Variants in MDH1B observed in about 807,000 individuals in gnomAD.
MDH1B encodes malate dehydrogenase 1B.
A neutral mutation model predicts 61.4 loss-of-function variants in MDH1B; 60 were observed. That is an observed-to-expected ratio of 0.98 (90% confidence interval 0.79 to 1.21). The LOEUF is 1.21. MDH1B is among the 50% of genes most tolerant of loss of function. MDH1B has a pLI of 0.00. For missense variants in MDH1B, 587 were observed against 632.1 expected, an observed-to-expected ratio of 0.93 and a Z score of 0.76; for synonymous variants, 236 against 218.7, an observed-to-expected ratio of 1.08 and a Z score of -0.70.
At chr2:206,741,832 A>G (rs1401248429) in intron 9 of MDH1B, among the ~76,000 whole-genome samples, 1 of 152,112 alleles carries the variant, frequency 6.6e-6, no homozygotes, top group Non-Finnish European at 1.5e-5. Flanking sequence ...GGGTTTCTGG[A>G]GTTGGCTGCT....
At chr2:206,754,809 T>C (rs1364297989) in intron 5 of MDH1B, among the ~76,000 whole-genome samples, 200 bp downstream of exon 5, 2 of 152,164 alleles carry the variant, frequency 1.3e-5, no homozygotes, top group South Asian at 2.1e-4. Context: ...TTTATAATGA[T>C]GGAAAAAGCC....
In MDH1B at chr2:206,755,076, A is replaced by G. The variant is rs1688675600; in HGVS notation, c.843T>C (p.Ala281=). The G allele has an allele frequency of 6.2e-7, 1 of 1,614,224 alleles. No individual in the cohort carries two copies. The highest frequency in any genetic ancestry group is 8.5e-7 in the Non-Finnish European group (1 of 1,180,036). Residue 281 remains alanine (A), a synonymous_variant, in exon 5 of 12, where the codon GCT becomes GCC. Transcript: ENST00000374412. ...YAPRIAHNII[A]VALGVEGEAK... is the part of the protein sequence containing the mutation. ...CTTCACCTTCCACCCCCAGCGCCAC[A>G]GCAATAATGTTGTGTGCAATGCGTG...
At chr2:206,754,280 G>A (rs967258999) in intron 5 of MDH1B, among the ~76,000 whole-genome samples, 13 of 151,964 alleles carry the variant, frequency 8.6e-5, no homozygotes, top group African/African-American at 3.1e-4. Context: ...CCTTCTCAAT[G>A]GACACTGTTG....
At chr2:206,740,265 T>C (rs1254880808) in intron 10 of MDH1B, among the ~76,000 whole-genome samples, 2 of 152,196 alleles carry the variant, frequency 1.3e-5, no homozygotes, top group African/African-American at 4.8e-5. Flanking sequence ...TAACAGTTGA[T>C]TAACATATAT....
In MDH1B at chr2:206,746,401, G is replaced by T. The variant is rs367748622; in HGVS notation, c.1242C>A (p.Ile414=). 10 of 1,613,340 alleles carry T rather than the reference G, an allele frequency of 6.2e-6. No homozygotes were observed. The highest frequency in any genetic ancestry group is 7.6e-6 in the Non-Finnish European group (9 of 1,179,772). The change falls in exon 8 of 12, where the codon ATC becomes ATA. Residue 414 remains isoleucine, a synonymous_variant. Coordinates refer to ENST00000374412, the MANE Select transcript of MDH1B (RefSeq NM_001039845.3). Reference sequence around the variant, plus strand: ...CAAATTTCACAGGCATAGAAAAGACGATCCCTTTCGGAATACCAAACTGGC... The same window carrying T: ...CAAATTTCACAGGCATAGAAAAGACTATCCCTTTCGGAATACCAAACTGGC... ...SEGQFGIPKG[I]VFSMPVKFEN...
At chr2:206,762,492 C>T (rs1689158644) in intron 1 of MDH1B, among the ~76,000 whole-genome samples, 5 of 152,188 alleles carry the variant, frequency 3.3e-5, no homozygotes, top group Non-Finnish European at 1.5e-5. Flanking sequence ...ATTATCCTCT[C>T]TTTCTAGAGT....
At chr2:206,761,694 T>C (rs1246577343) in intron 1 of MDH1B, among the ~76,000 whole-genome samples, 1 of 152,112 alleles carries the variant, frequency 6.6e-6, no homozygotes, top group Non-Finnish European at 1.5e-5. Context: ...GACACACAAT[T>C]TGTAGCCATC....
At chr2:206,750,459 G>A (rs1026761847) in intron 6 of MDH1B, among the ~76,000 whole-genome samples, 9 of 150,938 alleles carry the variant, frequency 6.0e-5, no homozygotes, top group African/African-American at 2.2e-4. Flanking sequence ...AGGTCACACA[G>A]CTACTAAGTG....
intron 9 of MDH1B, among the ~76,000 whole-genome samples, chr2:206,745,147 G>A (rs1688030372): frequency 6.6e-6 from 1 of 152,054 alleles, no homozygotes; most frequent in African/African-American, 2.4e-5. Context: ...AGATGGACAT[G>A]TGAAGAGGGA....
chr2:206,739,863 T>C (rs1687709813), intron 10 of MDH1B, among the ~76,000 whole-genome samples: 1 of 152,118 alleles, frequency 6.6e-6, no homozygotes, highest in Non-Finnish European at 1.5e-5. Flanking sequence ...GAGTGGACAA[T>C]ATGAACAAGC....
At chr2:206,761,038 T>C in intron 1 of MDH1B, 25 bp from the exon 2 acceptor site, 1 of 1,255,940 alleles carries the variant, frequency 8.0e-7, no homozygotes, top group Non-Finnish European at 1.2e-6. Context: ...ATTAGCAATG[T>C]TTTCTTTCAT....
intron 8 of MDH1B, 97 bp downstream of exon 8, chr2:206,746,190 T>A (rs1688099649): frequency 1.0e-5 from 11 of 1,095,544 alleles, no homozygotes; most frequent in Admixed American, 2.9e-5. Flanking sequence ...TAAAAAAAAA[T>A]TTGAATCCAT....
At chr2:206,744,391 G>C (rs1687977119) in intron 9 of MDH1B, among the ~76,000 whole-genome samples, 1 of 152,062 alleles carries the variant, frequency 6.6e-6, no homozygotes, top group Non-Finnish European at 1.5e-5. Context: ...GGAATATTGG[G>C]CTCCAAAAGA....
intron 2 of MDH1B, 151 bp from the exon 3 acceptor site, chr2:206,757,522 T>A: frequency 1.7e-6 from 1 of 598,486 alleles, no homozygotes; most frequent in East Asian, 3.0e-5. Context: ...GAGTAAAATG[T>A]AAATATAGAA....
chr2:206,751,131 T>C, intron 5 of MDH1B, 56 bp from the exon 6 acceptor site: 2 of 1,318,940 alleles, frequency 1.5e-6, no homozygotes, highest in Admixed American at 4.8e-5. Flanking sequence ...ATATAAAAAA[T>C]TGCCTGAAGC....
chr2:206,755,418 TAG>T lies in MDH1B; in HGVS notation c.499_500del (p.Leu167IlefsTer2). 6.2e-7 allele frequency: 1 copy of T among 1,614,228 alleles called. No homozygotes were observed. ...FGMHTEISIT[L>X]FDNKQAEEHL... is the part of the protein sequence containing the mutation. ...GTTCTTCCGCCTGCTTGTTGTCAAA[TAG>T]AGTTATGCTAATTTCTGTATGCATC... On this transcript the variant is annotated frameshift_variant, in exon 5 of 12. Coordinates refer to ENST00000374412, the MANE Select transcript of MDH1B (RefSeq NM_001039845.3). LOFTEE classifies it high-confidence loss of function.
chr2:206,739,482 G>C (rs1687685338), intron 11 of MDH1B, 111 bp downstream of exon 11: 2 of 939,152 alleles, frequency 2.1e-6, no homozygotes, highest in Non-Finnish European at 3.3e-6. Flanking sequence ...GGGAATGTGG[G>C]AAGTGGGGAG....
intron 10 of MDH1B, 135 bp downstream of exon 10, chr2:206,740,919 G>C (rs1687771593): frequency 1.6e-6 from 2 of 1,222,030 alleles, no homozygotes; most frequent in Non-Finnish European, 1.1e-6. Context: ...CAAAGTGTTT[G>C]TGAAGCATAT....
At chr2:206,751,578 C>G (rs753062043) in intron 5 of MDH1B, among the ~76,000 whole-genome samples, 2 of 152,052 alleles carry the variant, frequency 1.3e-5, no homozygotes. Context: ...GTAAGAGGAC[C>G]CTGGGCAACA....
Sources: gnomAD v4.1 joint callset for allele counts (sites outside exome capture counted in the v4.1 genomes callset) on GRCh38, gnomAD v4.1.1 for gene constraint, MANE v1.5 for transcripts, NCBI Gene and HGNC (gene_info 2026-07-23, HGNC 2026-07-21) for gene names.